NRG4: variants seen among roughly 807,000 people sequenced by gnomAD.
The protein encoded by NRG4 is pro-neuregulin-4, membrane-bound isoform.
In NRG4, 10 loss-of-function variants were observed where a neutral mutation model predicts 15.0. The ratio of observed to expected loss-of-function variants is 0.67; its 90% CI spans 0.41 to 1.13. The LOEUF (loss-of-function observed/expected upper bound fraction) is 1.13. Among genes scored for constraint, NRG4 ranks in the 50% most tolerant of loss-of-function variants. The pLI is 0.00. For synonymous variants in NRG4, 41 were observed against 50.1 expected (o/e 0.82, Z 0.77); for missense variants, 139 against 140.2 (o/e 0.99, Z 0.04).
chr15:76,013,817 C>T (rs963864354), upstream of NRG4, among the ~76,000 whole-genome samples: 1 of 152,152 alleles, frequency 6.6e-6, no homozygotes, highest in Non-Finnish European at 1.5e-5. Context: ...GTGCATGTGT[C>T]TTTATAGTAG....
chr15:76,012,534 GT>G (rs1422179686), upstream of NRG4: 1 of 152,190 alleles, frequency 6.6e-6, no homozygotes, highest in Admixed American at 6.5e-5. Flanking sequence ...CGTGTTCAGA[GT>G]TGCAAATGGA....
downstream of NRG4, chr15:75,937,079 T>G (rs2030416551): frequency 6.6e-6 from 1 of 152,062 alleles, no homozygotes; most frequent in South Asian, 2.1e-4. Flanking sequence ...TTAATCACTA[T>G]ACTTAATAAA....
chr15:76,011,316 G>T, intron 1 of NRG4, 30 bp from the exon 2 acceptor site: 1 of 1,123,298 alleles, frequency 8.9e-7, no homozygotes, highest in South Asian at 3.1e-5. Context: ...AATAATTCAG[G>T]GAAAATAGTC....
chr15:75,940,863 A>G (rs2030883500), downstream of NRG4: 2 of 152,146 alleles, frequency 1.3e-5, no homozygotes, highest in Admixed American at 6.5e-5. Context: ...GAGAGCTAAA[A>G]CCATAAAACT....
At position 75,943,275 on chromosome 15, in the gene NRG4, A is replaced by G. The variant is rs2031185347; in HGVS notation, c.*363T>C. 5.1e-6 allele frequency: 1 copy of G among 196,224 alleles called. No individual in the cohort carries two copies. The highest frequency in any genetic ancestry group is 1.8e-4 in the South Asian group (1 of 5,494). The allele number at this position is 196,224 out of a possible 1,614,324, so 12.2% of individuals were successfully genotyped here. On this transcript the variant is annotated 3_prime_UTR_variant, in exon 6 of 6. Transcript: ENST00000394907. ...AGCCACTAAGCCAGCTACTCCTTGC[A>G]TTTAAAGGGTTTTCATCCTTTTTCA... is the stretch of plus-strand genomic sequence containing the variant.
At chr15:75,959,449 TTGTAAATATA>T (rs1174612740) in intron 4 of NRG4, among the ~76,000 whole-genome samples, 1 of 151,688 alleles carries the variant, frequency 6.6e-6, no homozygotes, top group Admixed American at 6.6e-5. Flanking sequence ...ATGTCTCTTA[TTGTAAATATA>T]TGTAAATAAA....
At chr15:75,960,001 C>T (rs2032438008) in intron 4 of NRG4, among the ~76,000 whole-genome samples, 1 of 152,160 alleles carries the variant, frequency 6.6e-6, no homozygotes, top group Admixed American at 6.5e-5. Flanking sequence ...CCCTGCTTGC[C>T]AATCCATACT....
intron 3 of NRG4, chr15:75,971,300 C>G: frequency 2.2e-6 from 1 of 453,664 alleles, no homozygotes; most frequent in Non-Finnish European, 4.4e-6. Flanking sequence ...CTCATGATCT[C>G]TGTAGAAGGT....
intron 3 of NRG4, among the ~76,000 whole-genome samples, chr15:75,996,844 T>G (rs1232097106): frequency 6.6e-6 from 1 of 152,192 alleles, no homozygotes; most frequent in Admixed American, 6.5e-5. Context: ...AATTATATCA[T>G]AAAGATCTAT....
chr15:75,977,876 G>A lies in NRG4; in HGVS notation c.105-15902C>T, dbSNP rs2033436019. ...CTGTTGCCCAGGCTGGAGTGCAGTG[G>A]TGTGATCTCGGCTCACTACAACCTC... On this transcript the variant is annotated intron_variant, in intron 3 of 5. Coordinates refer to ENST00000394907, the MANE Select transcript of NRG4 (RefSeq NM_138573.4). This position sits in a 1 kb window ranked among gnomAD's most constrained non-coding sequence, Gnocchi z 4.9. Among the ~76,000 whole-genome samples, 1 of 152,028 alleles carries A rather than the reference G, an allele frequency of 6.6e-6. No homozygotes were observed. The highest frequency in any genetic ancestry group is 6.6e-5 in the Admixed American group (1 of 15,258).
intron 3 of NRG4, among the ~76,000 whole-genome samples, chr15:75,991,520 G>A (rs1425277375): frequency 1.3e-5 from 2 of 151,912 alleles, no homozygotes; most frequent in Non-Finnish European, 2.9e-5. Flanking sequence ...TGAACATAAC[G>A]TGTACATTTA....
rs190698502 is a variant in NRG4 at position 76,058,314 on chromosome 15, A to G, written c.-327-1295T>C. On this transcript the variant is annotated intron_variant, in intron 1 of 8. Transcript: ENST00000563910. ...TCCTTTGGCAACCCAGGTAGCTTCC[A>G]CAAGTATCATCTCCAAGTGTTTCTT... Among the ~76,000 whole-genome samples, 396 of 152,326 alleles carry G rather than the reference A, an allele frequency of 2.6e-3. 1 individual carries two copies. The highest frequency in any genetic ancestry group is 8.9e-3 in the African/African-American group (371 of 41,582).
chr15:75,973,519 T>G (rs996005629), intron 3 of NRG4, among the ~76,000 whole-genome samples: 3 of 152,184 alleles, frequency 2.0e-5, no homozygotes, highest in Admixed American at 2.0e-4. Context: ...TAAATAGCTC[T>G]TACTATTTTG....
chr15:75,935,949 G>A (rs373133920), downstream of NRG4: 3 of 152,000 alleles, frequency 2.0e-5, no homozygotes, highest in South Asian at 2.1e-4. Flanking sequence ...CACCGCGCCC[G>A]GCTAATTTTT....
chr15:75,985,559 T>C (rs2033768431), intron 3 of NRG4, among the ~76,000 whole-genome samples: 2 of 152,186 alleles, frequency 1.3e-5, no homozygotes, highest in Admixed American at 1.3e-4. Context: ...CCACAATGCT[T>C]ATACAGTTCA....
At chr15:75,949,850 A>C (rs2031772651) in intron 5 of NRG4, among the ~76,000 whole-genome samples, 1 of 152,210 alleles carries the variant, frequency 6.6e-6, no homozygotes. Flanking sequence ...TCTGTATTGA[A>C]TTGCCTTGGC....
rs2034841844 is a variant in NRG4, at chr15:76,012,375, C to T, written c.-113G>A. The T allele has an allele frequency of 6.6e-6, 1 of 152,160 alleles. No individual in the cohort carries two copies. Among genetic ancestry groups the T allele is most frequent in the African/African-American group, 2.4e-5 (1 of 41,426 alleles). The allele number at this position is 152,160 out of a possible 1,614,324, so 9.4% of individuals were successfully genotyped here. A position where few individuals can be genotyped will look rare whatever the true frequency, so the allele number is the denominator to read the frequency against. On this transcript the variant is annotated 5_prime_UTR_variant, in exon 1 of 6. Transcript: ENST00000394907. ...GCAGTGTTTCAAAAGTTTTTGAATA[C>T]CGCAGACAACAGCAGCTGTGACTTG...
intron 3 of NRG4, among the ~76,000 whole-genome samples, chr15:75,974,313 C>T (rs957857936): frequency 1.3e-5 from 2 of 152,136 alleles, no homozygotes; most frequent in African/African-American, 4.8e-5. Context: ...TTTCAAAAAA[C>T]CAGCTCCTGG....
chr15:76,017,392 C>G (rs2035015400), upstream of NRG4, among the ~76,000 whole-genome samples: 1 of 151,966 alleles, frequency 6.6e-6, no homozygotes, highest in South Asian at 2.1e-4. Flanking sequence ...ATGATGCTAG[C>G]TAGTTGTTTT....
Sources: allele counts gnomAD v4.1 joint callset (sites outside exome capture counted in the v4.1 genomes callset), GRCh38; gene constraint gnomAD v4.1.1; non-coding constraint Gnocchi (gnomAD v3.1); transcripts MANE v1.5; gene names NCBI Gene and HGNC (gene_info 2026-07-23, HGNC 2026-07-21).